Variants in EPS8 observed in about 807,000 individuals in gnomAD.
EPS8 encodes epidermal growth factor receptor kinase substrate 8.
A neutral mutation model predicts 103.8 loss-of-function variants in EPS8; 42 were observed. The observed-to-expected ratio is 0.40, with a 90% CI of 0.32 to 0.52. EPS8 has a LOEUF of 0.52. Among genes scored for constraint, EPS8 ranks in the 20% least tolerant of loss-of-function variants. EPS8 has a pLI of 0.40. For synonymous variants in EPS8, 344 were observed against 344.6 expected, an observed-to-expected ratio of 1.00 and a Z score of 0.02; for missense variants, 969 against 1,005.1, an observed-to-expected ratio of 0.96 and a Z score of 0.49.
chr12:15,669,051 T>C (rs1206915201), intron 6 of EPS8, among the ~76,000 whole-genome samples: 1 of 152,114 alleles, frequency 6.6e-6, no homozygotes, highest in Non-Finnish European at 1.5e-5. Context: ...CAACCACATC[T>C]AGCTAATTTT....
chr12:15,673,079 C>T (rs1945844157), intron 3 of EPS8, among the ~76,000 whole-genome samples: 1 of 152,086 alleles, frequency 6.6e-6, no homozygotes, highest in Admixed American at 6.6e-5. Context: ...TTTCCCAATC[C>T]CACAGAAACA....
At position 15,621,008 on chromosome 12, in the gene EPS8, T is replaced by C; in HGVS notation, c.*309A>G. On this transcript the variant is annotated 3_prime_UTR_variant, in exon 21 of 21. Transcript: ENST00000281172. ...TTGTTGCAGTGAATAACTCCACCACTATCAAAACAATTCCTGTTTATACCC... is the reference window on the plus strand; with the variant it reads ...TTGTTGCAGTGAATAACTCCACCACCATCAAAACAATTCCTGTTTATACCC... The C allele has an allele frequency of 4.2e-6, 1 of 239,740 alleles. No individual in the cohort carries two copies. Among genetic ancestry groups the C allele is most frequent in the Non-Finnish European group, 7.9e-6 (1 of 126,690 alleles). 14.9% of individuals were successfully genotyped at this position (239,740 alleles called of 1,614,324 possible).
chr12:15,665,839 G>C lies in EPS8; in HGVS notation c.653C>G (p.Pro218Arg), dbSNP rs376777889. 6.2e-7 allele frequency: 1 copy of C among 1,613,898 alleles called. No individual in the cohort carries two copies. The highest frequency in any genetic ancestry group is 8.5e-7 in the Non-Finnish European group (1 of 1,179,914). Residue 218 changes from proline to arginine, a missense_variant, in exon 8 of 21, where the codon CCT (proline) becomes CGT (arginine). By Grantham distance (103) the Pro-to-Arg change is moderately radical. Coordinates refer to ENST00000281172, the MANE Select transcript of EPS8 (RefSeq NM_004447.6). ...SIPPPPRAPA[P>R]APPGTVTQVD... ...CTGGGTGACGGTCCCAGGGGGCGCA[G>C]GGGCAGGAGCTCTGGGTGGAGGCGG... is the stretch of plus-strand genomic sequence containing the variant.
At chr12:15,768,615 G>C (rs1285698549) in intron 1 of EPS8, among the ~76,000 whole-genome samples, 1 of 151,588 alleles carries the variant, frequency 6.6e-6, no homozygotes, top group Non-Finnish European at 1.5e-5. Flanking sequence ...TTTTTTGAAG[G>C]GAGAAAATAG....
chr12:15,771,341 G>C lies in EPS8; in HGVS notation c.-22+17820C>G, dbSNP rs1947152238. On this transcript the variant is annotated intron_variant, in intron 1 of 20. Transcript: ENST00000281172. The surrounding 1 kb of genome is among the most constrained non-coding windows in gnomAD (Gnocchi z 4.6). ...TAAAATTAAAGAAAGTCACCAGGTT[G>C]TGAAAAGCCTGAAAAGGAAACCTTT... 6.6e-6 allele frequency among the ~76,000 whole-genome samples: 1 copy of C among 152,190 alleles called. No individual in the cohort carries two copies. Among genetic ancestry groups the C allele is most frequent in the South Asian group, 2.1e-4 (1 of 4,836 alleles).
chr12:15,755,740 C>G (rs1946980088), intron 1 of EPS8, among the ~76,000 whole-genome samples: 1 of 152,192 alleles, frequency 6.6e-6, no homozygotes, highest in Non-Finnish European at 1.5e-5. Flanking sequence ...CCACCCTCGT[C>G]CCTTCCTGTC....
intron 8 of EPS8, among the ~76,000 whole-genome samples, chr12:15,663,060 G>A (rs1240530942): frequency 1.3e-5 from 2 of 151,126 alleles, no homozygotes; most frequent in East Asian, 1.9e-4. Context: ...ATTAGCGGCT[G>A]TTAACTACTT....
At position 15,780,368 on chromosome 12, in the gene EPS8, C is replaced by A. The variant is rs1035607000; in HGVS notation, c.-22+8793G>T. On this transcript the variant is annotated intron_variant, in intron 1 of 20. Coordinates refer to ENST00000281172, the MANE Select transcript of EPS8 (RefSeq NM_004447.6). This position sits in a 1 kb window ranked among gnomAD's most constrained non-coding sequence, Gnocchi z 4.1. The stretch of plus-strand genomic sequence containing the variant: ...TCTACCTGGAGAGAGATGAGCGTCT[C>A]GCTTTGCCTCAAAAATTCATTCTAT... 3.3e-5 allele frequency among the ~76,000 whole-genome samples: 5 copies of A among 151,922 alleles called. No individual in the cohort carries two copies. Among genetic ancestry groups the A allele is most frequent in the Non-Finnish European group, 5.9e-5 (4 of 67,994 alleles).
intron 1 of EPS8, among the ~76,000 whole-genome samples, chr12:15,737,275 A>G (rs150973236): frequency 8.5e-5 from 13 of 152,312 alleles, no homozygotes; most frequent in African/African-American, 3.1e-4. Flanking sequence ...ATTACCAGCT[A>G]CTGAAGTTCA....
At chr12:15,694,931 G>A (rs769797126) in intron 1 of EPS8, among the ~76,000 whole-genome samples, 13 of 151,982 alleles carry the variant, frequency 8.6e-5, no homozygotes, top group East Asian at 1.9e-4. Context: ...AATCACCCAC[G>A]AATGAGGTAA....
intron 1 of EPS8, among the ~76,000 whole-genome samples, chr12:15,719,515 T>A (rs546560471): frequency 6.6e-6 from 1 of 152,258 alleles, no homozygotes; most frequent in South Asian, 2.1e-4. Context: ...AATGCAGTCA[T>A]ATAAAGAGAA....
In EPS8 at chr12:15,704,721, T is replaced by C. The variant is rs73315071; in HGVS notation, c.-21-21749A>G. Among the ~76,000 whole-genome samples, 1,609 of 152,240 alleles carry C rather than the reference T, an allele frequency of 0.011. 38 individuals are homozygous for C. Among genetic ancestry groups the C allele is most frequent in the African/African-American group, 0.037 (1,543 of 41,532 alleles). On this transcript the variant is annotated intron_variant, in intron 1 of 20. Coordinates refer to ENST00000281172, the MANE Select transcript of EPS8 (RefSeq NM_004447.6). This position sits in a 1 kb window ranked among gnomAD's most constrained non-coding sequence, Gnocchi z 4.6. ...AACTATACATTTAAAGATGGTTAAG[T>C]TGGTAAATTTAATATCAACTTTATC...
Position 15,713,447 on chromosome 12 carries a change from TAC to T in EPS8, c.-21-30477_-21-30476del, listed in dbSNP as rs1946493619. On this transcript the variant is annotated intron_variant, in intron 1 of 20. Coordinates refer to ENST00000281172, the MANE Select transcript of EPS8 (RefSeq NM_004447.6). The surrounding 1 kb of genome is among the most constrained non-coding windows in gnomAD (Gnocchi z 4.8). ...GGCCAAAATAGTAAGCACAAAAGCA[TAC>T]ACTGTCAGCTGTGGCCAACACTGGA... is the stretch of plus-strand genomic sequence containing the variant. 6.6e-6 allele frequency: 1 copy of T among 152,228 alleles called. No individual in the cohort carries two copies. The highest frequency in any genetic ancestry group is 1.5e-5 in the Non-Finnish European group (1 of 68,062). 9.4% of individuals were successfully genotyped at this position (152,228 alleles called of 1,614,324 possible).
chr12:15,691,794 T>C (rs1437322160), intron 1 of EPS8, among the ~76,000 whole-genome samples: 5 of 152,194 alleles, frequency 3.3e-5, no homozygotes, highest in Non-Finnish European at 7.3e-5. Flanking sequence ...CACAGTATAC[T>C]AAGAATACCC....
At chr12:15,653,809 G>A (rs912887435) in intron 13 of EPS8, among the ~76,000 whole-genome samples, 25 of 152,284 alleles carry the variant, frequency 1.6e-4, no homozygotes, top group East Asian at 7.8e-4. Context: ...GCGCGCGCGC[G>A]CATGTGTATG....
chr12:15,673,664 A>G (rs1334098651), intron 3 of EPS8, among the ~76,000 whole-genome samples: 2 of 152,302 alleles, frequency 1.3e-5, no homozygotes, highest in East Asian at 3.9e-4. Flanking sequence ...TCTACTATAT[A>G]CTATCTCTTC....
intron 1 of EPS8, among the ~76,000 whole-genome samples, chr12:15,744,679 G>C (rs1390101490): frequency 6.6e-6 from 1 of 152,160 alleles, no homozygotes; most frequent in Non-Finnish European, 1.5e-5. Flanking sequence ...ATTCATACAG[G>C]TACTAAGTGG....
rs1364421021 is a variant in EPS8, at chr12:15,778,482, A to C, written c.-22+10679T>G. On this transcript the variant is annotated intron_variant, in intron 1 of 20. Transcript: ENST00000281172. The surrounding 1 kb of genome is among the most constrained non-coding windows in gnomAD (Gnocchi z 4.5). Reference sequence around the variant, plus strand: ...CGACTAAAAGGATCTTGATGTGCAAAAAACAAAACAAAAACACTGTAGTTT... The same window carrying C: ...CGACTAAAAGGATCTTGATGTGCAACAAACAAAACAAAAACACTGTAGTTT... Among the ~76,000 whole-genome samples, 2 of 152,232 alleles carry C rather than the reference A, an allele frequency of 1.3e-5. No homozygotes were observed. Among genetic ancestry groups the C allele is most frequent in the South Asian group, 2.1e-4 (1 of 4,836 alleles).
chr12:15,748,642 G>C lies in EPS8; in HGVS notation c.-22+40519C>G, dbSNP rs1293935536. Among the ~76,000 whole-genome samples the C allele has an allele frequency of 1.3e-5, 2 of 151,674 alleles. No individual in the cohort carries two copies. The highest frequency in any genetic ancestry group is 2.9e-5 in the Non-Finnish European group (2 of 67,998). ...CACGTAGCTTTCATTCCTTTCATCTGATATAAAGAAAAGAAAATATGCCCA... is the reference window on the plus strand; with the variant it reads ...CACGTAGCTTTCATTCCTTTCATCTCATATAAAGAAAAGAAAATATGCCCA... On this transcript the variant is annotated intron_variant, in intron 1 of 20. Coordinates refer to ENST00000281172, the MANE Select transcript of EPS8 (RefSeq NM_004447.6). The surrounding 1 kb of genome is among the most constrained non-coding windows in gnomAD (Gnocchi z 4.8).
Sources: allele counts gnomAD v4.1 joint callset (sites outside exome capture counted in the v4.1 genomes callset), GRCh38; gene constraint gnomAD v4.1.1; non-coding constraint Gnocchi (gnomAD v3.1); transcripts MANE v1.5; gene names NCBI Gene and HGNC (gene_info 2026-07-23, HGNC 2026-07-21).